TSPAN12: variants seen among roughly 807,000 people sequenced by gnomAD.
TSPAN12 encodes the protein tetraspanin 12, also known as tetraspanin-12.
In TSPAN12, 19 loss-of-function variants were observed where a neutral mutation model predicts 39.2. That is an observed-to-expected ratio of 0.49 (90% CI 0.34 to 0.71). The LOEUF (loss-of-function observed/expected upper bound fraction) is 0.71. Among genes scored for constraint, TSPAN12 ranks in the 30% least tolerant of loss-of-function variants. The probability of loss-of-function intolerance (pLI) is 0.01; values close to 1 mark genes in which losing one functional copy is unlikely to be tolerated. For missense variants in TSPAN12, 314 were observed against 359.9 expected (o/e 0.87, Z 1.03); for synonymous variants, 119 against 124.8 (o/e 0.95, Z 0.31).
intron 4 of TSPAN12, among the ~76,000 whole-genome samples, chr7:120,827,372 T>G (rs1794309403): frequency 6.6e-6 from 1 of 152,232 alleles, no homozygotes; most frequent in South Asian, 2.1e-4. Context: ...ATAAATATAT[T>G]CATGCACATA....
At chr7:120,833,247 A>G (rs1794419638) in intron 4 of TSPAN12, among the ~76,000 whole-genome samples, 1 of 152,160 alleles carries the variant, frequency 6.6e-6, no homozygotes, top group Non-Finnish European at 1.5e-5. Flanking sequence ...AAAGACATAC[A>G]ACTTAATAGG....
Position 120,815,799 on chromosome 7 carries a change from A to C in TSPAN12, c.290T>G (p.Phe97Cys). Reference protein sequence around the residue: ...KRNLLLLAWYFGSLLVIFCVE... With the variant: ...KRNLLLLAWYCGSLLVIFCVE... Reference sequence around the variant, plus strand: ...ACAGAAAATGACAAGCAAACTTCCAAAGTACTGTAGAAAAACAGAAAAGTA... The same window carrying C: ...ACAGAAAATGACAAGCAAACTTCCACAGTACTGTAGAAAAACAGAAAAGTA... The change falls in exon 5 of 8, where the codon TTT becomes TGT. Residue 97 changes from phenylalanine (F) to cysteine (C), a missense_variant. By Grantham distance (205) the Phe-to-Cys change is radical (BLOSUM62 -2). Transcript: ENST00000222747. 1.2e-6 allele frequency: 2 copies of C among 1,612,172 alleles called. No individual in the cohort carries two copies. The highest frequency in any genetic ancestry group is 1.7e-6 in the Non-Finnish European group (2 of 1,179,320).
At chr7:120,827,637 T>G (rs1352649572) in intron 4 of TSPAN12, among the ~76,000 whole-genome samples, 1 of 152,234 alleles carries the variant, frequency 6.6e-6, no homozygotes, top group Admixed American at 6.5e-5. Flanking sequence ...TTTGTTACAA[T>G]GAATATTTGA....
chr7:120,837,179 C>T (rs1334126577), intron 4 of TSPAN12, among the ~76,000 whole-genome samples: 2 of 152,138 alleles, frequency 1.3e-5, no homozygotes, highest in Non-Finnish European at 2.9e-5. Flanking sequence ...TAAATTATTG[C>T]CCAAATATCT....
At chr7:120,820,374 T>G (rs964476962) in intron 4 of TSPAN12, among the ~76,000 whole-genome samples, 1 of 152,142 alleles carries the variant, frequency 6.6e-6, no homozygotes, top group Non-Finnish European at 1.5e-5. Context: ...GAAAATGCTT[T>G]GGAAAATGGA....
intron 7 of TSPAN12, among the ~76,000 whole-genome samples, chr7:120,794,418 C>A (rs1341658133): frequency 6.6e-6 from 1 of 152,110 alleles, no homozygotes; most frequent in African/African-American, 2.4e-5. Context: ...GAATGGCCAT[C>A]CTCTTGGTGA....
intron 7 of TSPAN12, among the ~76,000 whole-genome samples, chr7:120,797,459 G>A (rs1793655600): frequency 6.6e-6 from 1 of 152,256 alleles, no homozygotes; most frequent in East Asian, 1.9e-4. Context: ...ATGAAAGAGA[G>A]ATAAACTCCC....
intron 1 of TSPAN12, chr7:120,857,079 G>A (rs1004910743): frequency 1.3e-5 from 6 of 446,986 alleles, no homozygotes; most frequent in Non-Finnish European, 2.5e-5. Context: ...GATGAATGAA[G>A]TCGCACAGTA....
chr7:120,816,031 T>C (rs182000834), intron 4 of TSPAN12, among the ~76,000 whole-genome samples: 1 of 152,240 alleles, frequency 6.6e-6, no homozygotes, highest in East Asian at 1.9e-4. Flanking sequence ...CTGAGAAAAA[T>C]CTTTTATAAA....
intron 7 of TSPAN12, 74 bp downstream of exon 7, chr7:120,806,475 G>A: frequency 6.5e-7 from 1 of 1,543,824 alleles, no homozygotes; most frequent in Non-Finnish European, 8.9e-7. Flanking sequence ...AATTTCATTG[G>A]CATATTGTTG....
chr7:120,835,397 GT>G (rs929175287), intron 4 of TSPAN12, among the ~76,000 whole-genome samples: 2 of 152,048 alleles, frequency 1.3e-5, no homozygotes, highest in African/African-American at 4.8e-5. Flanking sequence ...AAATGAAAAT[GT>G]TTTATACATT....
At chr7:120,847,338 C>A (rs1271989315) in intron 2 of TSPAN12, among the ~76,000 whole-genome samples, 1 of 151,996 alleles carries the variant, frequency 6.6e-6, no homozygotes. Flanking sequence ...CTTTCTCAGT[C>A]AGTCTGAAAG....
At chr7:120,824,286 A>C (rs1022435690) in intron 4 of TSPAN12, among the ~76,000 whole-genome samples, 8 of 151,748 alleles carry the variant, frequency 5.3e-5, no homozygotes, top group Non-Finnish European at 1.2e-4. Context: ...CAAAAAAAAA[A>C]AAAAAATTAG....
chr7:120,831,847 C>T (rs192125465), intron 4 of TSPAN12, among the ~76,000 whole-genome samples: 72 of 152,096 alleles, frequency 4.7e-4, no homozygotes, highest in African/African-American at 1.6e-3. Flanking sequence ...TAAGTGGATG[C>T]AGTGGATATG....
intron 7 of TSPAN12, among the ~76,000 whole-genome samples, chr7:120,802,720 G>C (rs1292750190): frequency 6.6e-6 from 1 of 152,152 alleles, no homozygotes; most frequent in East Asian, 1.9e-4. Flanking sequence ...CTGAGGGTCA[G>C]AGGTATTTTC....
chr7:120,790,187 G>C (rs889504378), intron 7 of TSPAN12, among the ~76,000 whole-genome samples: 1 of 151,974 alleles, frequency 6.6e-6, no homozygotes, highest in African/African-American at 2.4e-5. Flanking sequence ...TTGTGTGTTC[G>C]CATCCTTGAT....
chr7:120,821,086 T>C (rs1356369318), intron 4 of TSPAN12, among the ~76,000 whole-genome samples: 2 of 152,168 alleles, frequency 1.3e-5, no homozygotes, highest in African/African-American at 2.4e-5. Flanking sequence ...ATATGGGAAA[T>C]TAGAATGTCA....
chr7:120,857,592 G>T (rs1467592246), intron 1 of TSPAN12, among the ~76,000 whole-genome samples: 1 of 152,076 alleles, frequency 6.6e-6, no homozygotes, highest in South Asian at 2.1e-4. Context: ...CCCCGCCCGG[G>T]ACGCTCCCGC....
chr7:120,830,006 CACA>C (rs760193985), intron 4 of TSPAN12, among the ~76,000 whole-genome samples: 13 of 152,068 alleles, frequency 8.5e-5, no homozygotes, highest in Non-Finnish European at 1.9e-4. Context: ...CTGTCTCTGA[CACA>C]ACATTTACTT....
Sources: gnomAD v4.1 joint callset for allele counts (sites outside exome capture counted in the v4.1 genomes callset) on GRCh38, gnomAD v4.1.1 for gene constraint, MANE v1.5 for transcripts, NCBI Gene and HGNC (gene_info 2026-07-23, HGNC 2026-07-21) for gene names.